AFAP1L2: variants seen among roughly 807,000 people sequenced by gnomAD.
The protein encoded by AFAP1L2 is actin filament associated protein 1 like 2, also known as actin filament-associated protein 1-like 2.
A neutral mutation model predicts 99.3 loss-of-function variants in AFAP1L2; 46 were observed. That is an observed-to-expected ratio of 0.46 (90% CI 0.37 to 0.59). The LOEUF is 0.59. Among genes scored for constraint, AFAP1L2 ranks in the 20% least tolerant of loss-of-function variants. AFAP1L2 has a pLI of 0.00. For synonymous variants in AFAP1L2, 397 were observed against 419.1 expected (o/e 0.95, Z 0.64); for missense variants, 959 against 1,034.9 (o/e 0.93, Z 1.01).
rs2043958025 is a variant in AFAP1L2, at chr10:114,315,408, A to G, written c.612+152T>C. The G allele has an allele frequency of 4.0e-6, 3 of 743,988 alleles. No individual in the cohort carries two copies. The Admixed American group carries it at 8.7e-5, about 22-fold the overall frequency. The allele number at this position is 743,988 out of a possible 1,614,324, so 46.1% of individuals were successfully genotyped here. On this transcript the variant is annotated intron_variant, in intron 6 of 18. Coordinates refer to ENST00000304129, the MANE Select transcript of AFAP1L2 (RefSeq NM_001001936.3). ...TTCATCCATACACACAAAATCCTGT[A>G]TACAATTTCAGATTAGGGAGAAGTT...
chr10:114,291,573 G>A (rs1280846459), downstream of AFAP1L2: 1 of 281,940 alleles, frequency 3.5e-6, no homozygotes, highest in Non-Finnish European at 6.7e-6. Flanking sequence ...ATAAACAAGG[G>A]GTCCTGAAGA....
At chr10:114,402,270 T>G (rs942571693) in intron 1 of AFAP1L2, among the ~76,000 whole-genome samples, 1 of 152,162 alleles carries the variant, frequency 6.6e-6, no homozygotes, top group African/African-American at 2.4e-5. Context: ...ATGGGCTTCA[T>G]TTTGCATTTT....
At chr10:114,288,842 T>C in the AFAP1L2 span, 1 of 1,345,288 alleles carries the variant, frequency 7.4e-7, no homozygotes, top group South Asian at 1.4e-5. Context: ...GCACCCTGGC[T>C]GACCTTGGTC....
At chr10:114,361,141 A>C (rs2052347896) in intron 1 of AFAP1L2, among the ~76,000 whole-genome samples, 2 of 152,138 alleles carry the variant, frequency 1.3e-5, no homozygotes, top group South Asian at 4.1e-4. Context: ...ACTTACTATC[A>C]CAGGAACAGC....
intron 1 of AFAP1L2, among the ~76,000 whole-genome samples, chr10:114,399,431 C>T (rs756460628): frequency 6.6e-6 from 1 of 152,050 alleles, no homozygotes; most frequent in African/African-American, 2.4e-5. Flanking sequence ...GAAGGGACAC[C>T]GATAAGGAAT....
chr10:114,348,547 C>T (rs1311468644), intron 1 of AFAP1L2, among the ~76,000 whole-genome samples: 5 of 151,610 alleles, frequency 3.3e-5, no homozygotes, highest in African/African-American at 1.2e-4. Flanking sequence ...TTTATAGCCC[C>T]TCTGCTGGGC....
At chr10:114,403,770 G>A (rs1237363520) in intron 1 of AFAP1L2, among the ~76,000 whole-genome samples, 1 of 152,206 alleles carries the variant, frequency 6.6e-6, no homozygotes, top group Non-Finnish European at 1.5e-5. Context: ...TCGCCCAGCT[G>A]CGCACTGAGC....
At chr10:114,381,653 A>G (rs113443913) in intron 1 of AFAP1L2, among the ~76,000 whole-genome samples, 2,069 of 152,294 alleles carry the variant, frequency 0.014, 52 homozygotes, top group African/African-American at 0.047. Flanking sequence ...AGCAAAACCC[A>G]GAGACATAAA....
chr10:114,345,046 G>A (rs1564932424), intron 1 of AFAP1L2, among the ~76,000 whole-genome samples: 1 of 148,218 alleles, frequency 6.7e-6, no homozygotes, highest in Non-Finnish European at 1.5e-5. Context: ...GCAGTGAGCC[G>A]AGATCACACC....
At chr10:114,340,944 T>C in intron 1 of AFAP1L2, 1 of 631,484 alleles carries the variant, frequency 1.6e-6, no homozygotes, top group Middle Eastern at 4.3e-4. Context: ...GCCCTTGGCT[T>C]GGAGATGAAC....
chr10:114,324,596 T>A lies in AFAP1L2; in HGVS notation c.316-1335A>T, dbSNP rs140843920. Among the ~76,000 whole-genome samples, 137 of 152,350 alleles carry A rather than the reference T, an allele frequency of 9.0e-4. 1 individual carries two copies. Among genetic ancestry groups the A allele is most frequent in the Middle Eastern group, 3.4e-3 (1 of 294 alleles). ...CTCCATGGGAATATGCATAATGAGT[T>A]CACAACAGAAGTGGCAGAGCTCGAA... is the stretch of plus-strand genomic sequence containing the variant. On this transcript the variant is annotated intron_variant, in intron 4 of 18. Transcript: ENST00000304129.
the AFAP1L2 span, chr10:114,286,379 A>G: frequency 1.9e-6 from 3 of 1,613,902 alleles, no homozygotes; most frequent in Non-Finnish European, 1.7e-6. Context: ...GGGTGTAGGC[A>G]GTGAGGCCGT....
At chr10:114,340,274 C>T (rs960729043) in intron 2 of AFAP1L2, among the ~76,000 whole-genome samples, 4 of 152,036 alleles carry the variant, frequency 2.6e-5, no homozygotes, top group Admixed American at 1.3e-4. Context: ...GAACCATGAT[C>T]GCGCCACTGC....
At chr10:114,346,360 C>G (rs565476421) in intron 1 of AFAP1L2, among the ~76,000 whole-genome samples, 2 of 152,306 alleles carry the variant, frequency 1.3e-5, no homozygotes, top group South Asian at 4.1e-4. Context: ...GGCAGAAGCT[C>G]TTTCCGGTCA....
At chr10:114,305,651 ATGCAGGAGGGGATGCAGG>A (rs2042153046) in intron 10 of AFAP1L2, among the ~76,000 whole-genome samples, 1 of 52,728 alleles carries the variant, frequency 1.9e-5, no homozygotes, top group South Asian at 7.7e-4. Flanking sequence ...GGAGATGCAG[ATGCAGGAGGGGATGCAGG>A]TGCAGGAGGG....
chr10:114,305,942 G>A (rs1484117945), intron 10 of AFAP1L2, among the ~76,000 whole-genome samples: 23 of 108,602 alleles, frequency 2.1e-4, no homozygotes, highest in South Asian at 3.9e-4. Flanking sequence ...GGGGCTGCAG[G>A]AGGAGATGCA....
intron 5 of AFAP1L2, chr10:114,319,542 G>C: frequency 7.8e-7 from 1 of 1,288,062 alleles, no homozygotes; most frequent in Non-Finnish European, 1.0e-6. Context: ...TGGCATTCCA[G>C]CTCGGGGAGT....
intron 18 of AFAP1L2, chr10:114,296,298 A>G (rs1262808727): frequency 3.6e-6 from 2 of 553,046 alleles, no homozygotes; most frequent in Non-Finnish European, 6.4e-6. Flanking sequence ...TCACAGCAAC[A>G]AGGGAGTGGA....
chr10:114,351,764 CG>C (rs2136228090), intron 1 of AFAP1L2, among the ~76,000 whole-genome samples: 2 of 152,330 alleles, frequency 1.3e-5, no homozygotes, highest in Admixed American at 1.3e-4. Context: ...CCCTCTGAAC[CG>C]GAAGTGCCCT....
Sources: gnomAD v4.1 joint callset for allele counts (sites outside exome capture counted in the v4.1 genomes callset) on GRCh38, gnomAD v4.1.1 for gene constraint, MANE v1.5 for transcripts, NCBI Gene and HGNC (gene_info 2026-07-23, HGNC 2026-07-21) for gene names.